Variants in CACNA2D1 observed in about 807,000 individuals in gnomAD.
CACNA2D1 encodes the protein calcium voltage-gated channel auxiliary subunit alpha2delta 1, also known as voltage-dependent calcium channel subunit alpha-2/delta-1.
In CACNA2D1, 53 loss-of-function variants were observed where a neutral mutation model predicts 171.5. The ratio of observed to expected loss-of-function variants is 0.31; its 90% CI spans 0.25 to 0.39. CACNA2D1 has a LOEUF of 0.39. Among genes scored for constraint, CACNA2D1 ranks in the 10% least tolerant of loss-of-function variants. CACNA2D1 has a pLI of 1.00. For synonymous variants in CACNA2D1, 442 were observed against 443.1 expected (o/e 1.00, Z 0.03); for missense variants, 903 against 1,299.8 (o/e 0.69, Z 4.69).
At chr7:82,380,997 A>G (rs889938546) in intron 1 of CACNA2D1, among the ~76,000 whole-genome samples, 2 of 151,646 alleles carry the variant, frequency 1.3e-5, no homozygotes. Context: ...GCCCGGCCAC[A>G]TTTATTATTA....
upstream of CACNA2D1, chr7:82,443,934 C>G (rs1404898356): frequency 1.6e-5 from 6 of 372,476 alleles, no homozygotes; most frequent in Admixed American, 2.3e-4. Context: ...GCGAGAGGCT[C>G]CGTCTGGCTT....
At chr7:82,286,735 G>T (rs551624793) in intron 3 of CACNA2D1, among the ~76,000 whole-genome samples, 1 of 152,196 alleles carries the variant, frequency 6.6e-6, no homozygotes, top group South Asian at 2.1e-4. Context: ...CACAAAAAAA[G>T]AAAGAAAGCA....
intron 6 of CACNA2D1, among the ~76,000 whole-genome samples, chr7:82,086,129 G>T (rs201290536): frequency 6.6e-6 from 1 of 152,052 alleles, no homozygotes; most frequent in Admixed American, 6.6e-5. Flanking sequence ...ACAGCTTAAC[G>T]TCTTTCTATT....
intron 37 of CACNA2D1, 41 bp from the exon 38 acceptor site, chr7:81,959,398 C>G: frequency 7.5e-7 from 1 of 1,336,802 alleles, no homozygotes; most frequent in East Asian, 2.3e-5. Context: ...TAGTTTTTTT[C>G]ACATGATTAA....
intron 31 of CACNA2D1, 62 bp downstream of exon 31, chr7:81,967,107 T>C: frequency 7.9e-7 from 1 of 1,270,450 alleles, no homozygotes; most frequent in Non-Finnish European, 1.1e-6. Context: ...ATCACTATAG[T>C]CTTAGCAAGA....
intron 26 of CACNA2D1, 126 bp downstream of exon 26, chr7:81,971,651 T>A: frequency 8.9e-6 from 6 of 670,646 alleles, no homozygotes; most frequent in Admixed American, 2.4e-5. Context: ...TGTATAGTGA[T>A]TTTCTTGAGA....
intron 6 of CACNA2D1, among the ~76,000 whole-genome samples, chr7:82,091,183 T>G (rs1188241647): frequency 1.3e-5 from 2 of 152,150 alleles, no homozygotes; most frequent in African/African-American, 2.4e-5. Context: ...CTAATCCCAG[T>G]GTAAATGAAA....
In CACNA2D1 at chr7:81,946,999, A is replaced by G. The variant is rs1792098317; in HGVS notation, c.*3393T>C. The G allele has an allele frequency of 6.6e-6, 1 of 152,086 alleles. No homozygotes were observed. Among genetic ancestry groups the G allele is most frequent in the South Asian group, 2.1e-4 (1 of 4,834 alleles). The allele number at this position is 152,086 out of a possible 1,614,324, so 9.4% of individuals were successfully genotyped here. On this transcript the variant is annotated 3_prime_UTR_variant, in exon 39 of 39. Transcript: ENST00000356860. ...ATTTAAAATTTTGGGCAAGTGAAAT[A>G]GTTATTTCATTCTATTCTTTAAAAA... is the stretch of plus-strand genomic sequence containing the variant.
chr7:82,381,056 T>G lies in CACNA2D1; in HGVS notation c.96-31407A>C, dbSNP rs535762054. Reference sequence around the variant, plus strand: ...GGCCGGGTGTGGTGGCTCACGCCTGTAATCCCAGCACTCTGGGAGGCCGAG... The same window carrying G: ...GGCCGGGTGTGGTGGCTCACGCCTGGAATCCCAGCACTCTGGGAGGCCGAG... On this transcript the variant is annotated intron_variant, in intron 1 of 38. Transcript: ENST00000356860. 5.0e-4 allele frequency among the ~76,000 whole-genome samples: 76 copies of G among 151,942 alleles called. 1 individual carries two copies. The East Asian group carries it at 9.5e-3, about 19-fold the overall frequency.
At chr7:82,018,678 A>C (rs2130996921) in intron 12 of CACNA2D1, among the ~76,000 whole-genome samples, 1 of 152,148 alleles carries the variant, frequency 6.6e-6, no homozygotes, top group Admixed American at 6.5e-5. Flanking sequence ...TTTGGGGAGC[A>C]GACTTAATAA....
At chr7:81,962,333 T>C in intron 35 of CACNA2D1, 107 bp downstream of exon 35, 1 of 847,676 alleles carries the variant, frequency 1.2e-6, no homozygotes, top group East Asian at 2.6e-5. Flanking sequence ...ATGGGTGACC[T>C]GTTTTCTCTT....
Position 82,038,186 on chromosome 7 carries a change from G to C in CACNA2D1, c.929C>G (p.Ala310Gly). ...DVSCFQHLVQ[A>G]NVRNKKVLKD... ...CAACACTTTTTTATTTCTTACATTT[G>C]CTTGGACAAGGTGCTGAAAACAGCT... is the stretch of plus-strand genomic sequence containing the variant. Residue 310 changes from alanine to glycine, a missense_variant, in exon 11 of 39, where the codon GCA (alanine) becomes GGA (glycine). Around this residue, in one of 5 missense-constraint regions of CACNA2D1, gnomAD observed 623 missense variants for 925.5 expected, o/e 0.67. Coordinates refer to ENST00000356860, the MANE Select transcript of CACNA2D1 (RefSeq NM_000722.4). The C allele has an allele frequency of 6.2e-7, 1 of 1,613,542 alleles. No individual in the cohort carries two copies. Among genetic ancestry groups the C allele is most frequent in the Non-Finnish European group, 8.5e-7 (1 of 1,179,732 alleles).
chr7:82,439,834 C>T (rs887796183), intron 1 of CACNA2D1, among the ~76,000 whole-genome samples: 5 of 151,646 alleles, frequency 3.3e-5, no homozygotes, highest in Non-Finnish European at 7.4e-5. Flanking sequence ...TATTAATGTT[C>T]ACTGTTTCAG....
intron 2 of CACNA2D1, among the ~76,000 whole-genome samples, chr7:82,346,075 T>C (rs771126489): frequency 5.9e-5 from 9 of 152,264 alleles, no homozygotes; most frequent in Non-Finnish European, 1.0e-4. Context: ...CTTAAATGAC[T>C]GGATATCTTC....
intron 1 of CACNA2D1, among the ~76,000 whole-genome samples, chr7:82,380,621 A>T (rs1287805509): frequency 6.6e-6 from 1 of 152,088 alleles, no homozygotes; most frequent in Non-Finnish European, 1.5e-5. Context: ...AAATTTATAT[A>T]ATTAAAATTT....
At chr7:82,321,652 A>C (rs2129438876) in intron 3 of CACNA2D1, among the ~76,000 whole-genome samples, 1 of 152,270 alleles carries the variant, frequency 6.6e-6, no homozygotes, top group Non-Finnish European at 1.5e-5. Context: ...CGCCAAAAAC[A>C]CTAAGTTGTG....
chr7:81,962,380 C>G, intron 35 of CACNA2D1, 60 bp downstream of exon 35: 1 of 1,189,200 alleles, frequency 8.4e-7, no homozygotes, highest in Non-Finnish European at 1.2e-6. Context: ...GAACTTCAAG[C>G]ACATCCCAAA....
chr7:82,361,726 A>C (rs537703847), intron 1 of CACNA2D1, among the ~76,000 whole-genome samples: 2 of 152,286 alleles, frequency 1.3e-5, no homozygotes, highest in Non-Finnish European at 2.9e-5. Flanking sequence ...TTAAGACATG[A>C]CTAATGTACG....
intron 1 of CACNA2D1, among the ~76,000 whole-genome samples, chr7:82,362,638 G>A (rs1309591655): frequency 1.3e-5 from 2 of 152,130 alleles, no homozygotes; most frequent in African/African-American, 4.8e-5. Context: ...TTTTCCCAAA[G>A]CTCTGGTTTA....
Sources: allele counts gnomAD v4.1 joint callset (sites outside exome capture counted in the v4.1 genomes callset), GRCh38; gene constraint gnomAD v4.1.1; regional missense constraint gnomAD v4.1.1; transcripts MANE v1.5; gene names NCBI Gene and HGNC (gene_info 2026-07-23, HGNC 2026-07-21).